The following DCUN1D4 variants were observed in gnomAD, a reference collection of about 807,000 sequenced individuals.
DCUN1D4 encodes the protein defective in cullin neddylation 1 domain containing 4, also known as DCN1-like protein 4.
DCUN1D4 carries 22 observed loss-of-function variants against 47.9 expected under a neutral mutation model. The ratio of observed to expected loss-of-function variants is 0.46; its 90% CI spans 0.33 to 0.66. The LOEUF is 0.66. DCUN1D4 is among the 30% of genes least tolerant of loss of function. DCUN1D4 has a pLI of 0.02. For missense variants in DCUN1D4, 301 were observed against 340.8 expected (o/e 0.88, Z 0.92); for synonymous variants, 121 against 112.2 (o/e 1.08, Z -0.50).
At chr4:51,871,956 G>T (rs540519697) in intron 3 of DCUN1D4, among the ~76,000 whole-genome samples, 1 of 152,288 alleles carries the variant, frequency 6.6e-6, no homozygotes, top group East Asian at 1.9e-4. Flanking sequence ...CACCCTGCTG[G>T]TGTGGGAGGA....
Position 51,888,747 on chromosome 4 carries a change from C to T in DCUN1D4, c.414+2109C>T, listed in dbSNP as rs143873063. On this transcript the variant is annotated intron_variant, in intron 6 of 10. Transcript: ENST00000334635. ...TCCAAAAAAAAAAAAAAAAAAACTC[C>T]ATTTCTGTAGGAATAGAAATATCCT... Among the ~76,000 whole-genome samples, 392 of 151,168 alleles carry T rather than the reference C, an allele frequency of 2.6e-3. 2 individuals are homozygous for T. Among genetic ancestry groups the T allele is most frequent in the Middle Eastern group, 0.014 (4 of 288 alleles).
chr4:51,878,532 C>G (rs1728039164), intron 5 of DCUN1D4, among the ~76,000 whole-genome samples: 2 of 152,184 alleles, frequency 1.3e-5, no homozygotes, highest in Admixed American at 1.3e-4. Context: ...CATCTCCTCT[C>G]CAGACAACCT....
chr4:51,887,484 T>C (rs947526046), intron 6 of DCUN1D4, among the ~76,000 whole-genome samples: 23 of 152,366 alleles, frequency 1.5e-4, no homozygotes, highest in African/African-American at 5.0e-4. Flanking sequence ...TTTGCCTAAT[T>C]CTTAGCATGT....
upstream of DCUN1D4, among the ~76,000 whole-genome samples, chr4:51,840,248 A>AT (rs1345061243): frequency 1.3e-5 from 2 of 152,310 alleles, no homozygotes; most frequent in African/African-American, 4.8e-5. Context: ...TTCTTTGGGA[A>AT]TACTACAAAT....
At chr4:51,887,003 A>G in intron 6 of DCUN1D4, 1 of 445,888 alleles carries the variant, frequency 2.2e-6, no homozygotes, top group Admixed American at 2.5e-5. Context: ...TGTAGAGTCA[A>G]TCTAGGACTT....
chr4:51,848,398 C>A, intron 1 of DCUN1D4: 1 of 1,092,024 alleles, frequency 9.2e-7, no homozygotes, highest in African/African-American at 1.7e-5. Flanking sequence ...GAGTGTTTGT[C>A]CTTTTCCCTT....
At chr4:51,833,928 G>A in the DCUN1D4 span, among the ~76,000 whole-genome samples, 1 of 151,966 alleles carries the variant, frequency 6.6e-6, no homozygotes, top group African/African-American at 2.4e-5. Context: ...TGGCATCAAG[G>A]TGGATGAGGA....
At chr4:51,853,224 A>G (rs1287334806) in intron 1 of DCUN1D4, among the ~76,000 whole-genome samples, 1 of 152,198 alleles carries the variant, frequency 6.6e-6, no homozygotes, top group African/African-American at 2.4e-5. Context: ...GTCCTGCAAG[A>G]GGAAGAAAAA....
intron 7 of DCUN1D4, 117 bp from the exon 8 acceptor site, chr4:51,899,153 G>T: frequency 1.4e-6 from 2 of 1,394,912 alleles, no homozygotes; most frequent in South Asian, 1.8e-5. Context: ...GGTTATGGAT[G>T]TGTTTCAACT....
chr4:51,882,649 C>T (rs1352014083), intron 5 of DCUN1D4, among the ~76,000 whole-genome samples: 1 of 152,074 alleles, frequency 6.6e-6, no homozygotes, highest in Non-Finnish European at 1.5e-5. Context: ...CACCTGTAGT[C>T]CCAGCTACTC....
chr4:51,902,492 A>G (rs1037354349), intron 8 of DCUN1D4, among the ~76,000 whole-genome samples: 1 of 152,162 alleles, frequency 6.6e-6, no homozygotes, highest in Non-Finnish European at 1.5e-5. Context: ...CCATTATGTA[A>G]TGTCTCTCTT....
rs145161431 is a variant in DCUN1D4, at chr4:51,846,711, T to C, written c.25+3444T>C. 2.2e-4 allele frequency among the ~76,000 whole-genome samples: 34 copies of C among 152,324 alleles called. No individual in the cohort carries two copies. The East Asian group carries it at 6.2e-3, about 28-fold the overall frequency. On this transcript the variant is annotated intron_variant, in intron 1 of 10. Coordinates refer to ENST00000334635, the MANE Select transcript of DCUN1D4 (RefSeq NM_001040402.3). ...CCAATACAATGCTCAAATTAATGGC[T>C]TAAATAATAGGGCTTATTATTGTTC...
At chr4:51,869,615 A>G (rs1726556839) in intron 3 of DCUN1D4, among the ~76,000 whole-genome samples, 1 of 152,188 alleles carries the variant, frequency 6.6e-6, no homozygotes, top group African/African-American at 2.4e-5. Context: ...TTAAAAAAAA[A>G]GGAAGTGAAG....
At chr4:51,868,445 A>G (rs1047077006) in intron 3 of DCUN1D4, among the ~76,000 whole-genome samples, 1 of 152,224 alleles carries the variant, frequency 6.6e-6, no homozygotes, top group Admixed American at 6.5e-5. Context: ...TGCCCAGTCA[A>G]TGTCAGTTAG....
At chr4:51,867,671 G>A (rs1726176053) in intron 3 of DCUN1D4, among the ~76,000 whole-genome samples, 1 of 152,120 alleles carries the variant, frequency 6.6e-6, no homozygotes. Context: ...GTTTTTAATG[G>A]GTTTCAGAGG....
Position 51,886,555 on chromosome 4 carries a change from C to A in DCUN1D4, c.344-13C>A, listed in dbSNP as rs774389259. 1 of 1,612,284 alleles carries A rather than the reference C, an allele frequency of 6.2e-7. No homozygotes were observed. The highest frequency in any genetic ancestry group is 1.1e-5 in the South Asian group (1 of 90,910). ...ATGGTCAGATTTAATTTACATAAGA[C>A]TGTATTTCACAGGAACTGATGATGT... On this transcript the variant is annotated splice_polypyrimidine_tract_variant and intron_variant, in intron 5 of 10. Transcript: ENST00000334635.
At chr4:51,877,026 G>A (rs185693377) in intron 4 of DCUN1D4, among the ~76,000 whole-genome samples, 2 of 152,092 alleles carry the variant, frequency 1.3e-5, no homozygotes, top group Non-Finnish European at 2.9e-5. Flanking sequence ...TCAGCCCCTG[G>A]TTATTATGAA....
intron 7 of DCUN1D4, among the ~76,000 whole-genome samples, chr4:51,897,228 G>A (rs1164321797): frequency 6.6e-6 from 1 of 152,168 alleles, no homozygotes; most frequent in Admixed American, 6.5e-5. Context: ...TTTCTAAATT[G>A]TTCTGTTTCA....
chr4:51,903,655 C>G lies in DCUN1D4; in HGVS notation c.615+4277C>G, dbSNP rs77938850. On this transcript the variant is annotated intron_variant, in intron 8 of 10. Transcript: ENST00000334635. Reference sequence around the variant, plus strand: ...AGGTTGCTTGAATGTGTCCCACAAGCCACTGATGCTGTGTTCCTTTTTATT... The same window carrying G: ...AGGTTGCTTGAATGTGTCCCACAAGGCACTGATGCTGTGTTCCTTTTTATT... 2.2e-4 allele frequency among the ~76,000 whole-genome samples: 34 copies of G among 152,240 alleles called. No homozygotes were observed. The East Asian group carries it at 6.2e-3, about 28-fold the overall frequency.
Sources: allele counts gnomAD v4.1 joint callset (sites outside exome capture counted in the v4.1 genomes callset), GRCh38; gene constraint gnomAD v4.1.1; transcripts MANE v1.5; gene names NCBI Gene and HGNC (gene_info 2026-07-23, HGNC 2026-07-21).